The following PCDHGA3 variants were observed in gnomAD, a reference collection of about 807,000 sequenced individuals.
PCDHGA3 encodes the protein protocadherin gamma subfamily A, 3.
Under a neutral mutation model 58.5 loss-of-function variants are expected in PCDHGA3, and 40 were observed. That is an observed-to-expected ratio of 0.68 (90% confidence interval 0.53 to 0.89). The LOEUF (loss-of-function observed/expected upper bound fraction) is 0.89. Among genes scored for constraint, PCDHGA3 ranks in the 40% least tolerant of loss-of-function variants. The probability of loss-of-function intolerance (pLI) is 0.00; values close to 1 mark genes in which losing one functional copy is unlikely to be tolerated. For synonymous variants in PCDHGA3, 530 were observed against 525.7 expected (o/e 1.01, Z -0.11); for missense variants, 1,223 against 1,195.9 (o/e 1.02, Z -0.33).
chr5:141,373,102 C>T (rs182664411), intron 1 of PCDHGA3, among the ~76,000 whole-genome samples: 60 of 152,332 alleles, frequency 3.9e-4, no homozygotes, highest in Admixed American at 3.5e-3. Flanking sequence ...CATTTTCAGA[C>T]ATATCTATCC....
At chr5:141,407,032 CAT>C (rs2094880022) in intron 1 of PCDHGA3, among the ~76,000 whole-genome samples, 1 of 152,174 alleles carries the variant, frequency 6.6e-6, no homozygotes, top group African/African-American at 2.4e-5. Flanking sequence ...CTATGCTAAA[CAT>C]GTGATCCATA....
intron 1 of PCDHGA3, chr5:141,387,741 G>T: frequency 1.5e-6 from 2 of 1,332,868 alleles, no homozygotes; most frequent in Non-Finnish European, 2.0e-6. Context: ...CCTTTACACC[G>T]CTTCCTCCTC....
intron 1 of PCDHGA3, chr5:141,412,602 T>G (rs1239898248): frequency 6.6e-6 from 1 of 152,188 alleles, no homozygotes; most frequent in African/African-American, 2.4e-5. Flanking sequence ...CTAAATAAAA[T>G]TGGCCTATTC....
chr5:141,400,376 T>C (rs534277122), intron 1 of PCDHGA3: 1 of 1,614,070 alleles, frequency 6.2e-7, no homozygotes, highest in East Asian at 2.2e-5. Flanking sequence ...TCCTACAACC[T>C]ATGTGTTGCA....
chr5:141,348,541 C>T (rs1758139506), intron 1 of PCDHGA3, among the ~76,000 whole-genome samples: 1 of 152,128 alleles, frequency 6.6e-6, no homozygotes, highest in South Asian at 2.1e-4. Context: ...AAGATAATTT[C>T]TAAGAATTCT....
intron 1 of PCDHGA3, chr5:141,357,300 C>G (rs112089502): frequency 2.5e-6 from 4 of 1,614,080 alleles, no homozygotes; most frequent in African/African-American, 2.7e-5. Flanking sequence ...TGGCCGCTGT[C>G]TCCTGCGTCT....
At chr5:141,370,208 G>T (rs1418210186) in intron 1 of PCDHGA3, 3 of 550,220 alleles carry the variant, frequency 5.5e-6, no homozygotes, top group African/African-American at 1.9e-5. Flanking sequence ...CAAAATATTG[G>T]CTCCTCCCGC....
At chr5:141,388,606 T>G in intron 1 of PCDHGA3, 1 of 1,613,906 alleles carries the variant, frequency 6.2e-7, no homozygotes, top group South Asian at 1.1e-5. Context: ...AATGCTCCAG[T>G]GTTCAGTCAA....
chr5:141,374,388 G>A (rs779801370), intron 1 of PCDHGA3: 1 of 1,614,044 alleles, frequency 6.2e-7, no homozygotes, highest in South Asian at 1.1e-5. Context: ...AGCCCGCGGT[G>A]TCTGGTGAGT....
rs968869556 is a variant in PCDHGA3 at position 141,346,076 on chromosome 5, C to G, written c.2043C>G (p.Ser681=). 12 of 1,613,518 alleles carry G rather than the reference C, an allele frequency of 7.4e-6. No individual in the cohort carries two copies. Among genetic ancestry groups the G allele is most frequent in the Non-Finnish European group, 1.0e-5 (12 of 1,179,846 alleles). The change falls in exon 1 of 4, where the codon TCC becomes TCG. Residue 681 remains serine (S), a synonymous_variant. Coordinates refer to ENST00000253812, the MANE Select transcript of PCDHGA3 (RefSeq NM_018916.4). ...CCGACCTGGGCAGCCTCGAGCCCTC[C>G]GCCAAACCCAACGATTCGGACCTCA... ...ILADLGSLEP[S]AKPNDSDLTL... is the part of the protein sequence containing the mutation.
At chr5:141,430,980 T>C in intron 1 of PCDHGA3, 1 of 1,613,618 alleles carries the variant, frequency 6.2e-7, no homozygotes, top group African/African-American at 1.3e-5. Context: ...AGGACGCAGC[T>C]TTTCGCCCTG....
chr5:141,376,384 T>G, intron 1 of PCDHGA3: 1 of 1,614,204 alleles, frequency 6.2e-7, no homozygotes, highest in South Asian at 1.1e-5. Flanking sequence ...GTAAGAGTCA[T>G]CTGATTTTCC....
intron 1 of PCDHGA3, chr5:141,410,715 G>A: frequency 1.4e-6 from 2 of 1,422,782 alleles, no homozygotes; most frequent in Non-Finnish European, 1.9e-6. Context: ...AGAATCATAT[G>A]TTTAAAATCC....
At position 141,491,952 on chromosome 5, in the gene PCDHGA3, C is replaced by A; in HGVS notation, c.2425-2855C>A. 9.4e-7 allele frequency: 1 copy of A among 1,062,954 alleles called. No homozygotes were observed. The allele number at this position is 1,062,954 out of a possible 1,614,324, so 65.8% of individuals were successfully genotyped here. On this transcript the variant is annotated intron_variant, in intron 1 of 3. Coordinates refer to ENST00000253812, the MANE Select transcript of PCDHGA3 (RefSeq NM_018916.4). The surrounding 1 kb of genome is among the most constrained non-coding windows in gnomAD (Gnocchi z 6.9). ...GGTGGGACCGACCCCCACCCCTACA[C>A]TCAAAAAAGGCCGGGGCCTCCTTCG...
At chr5:141,399,825 C>G (rs1439243162) in intron 1 of PCDHGA3, 14 of 1,613,060 alleles carry the variant, frequency 8.7e-6, no homozygotes, top group Non-Finnish European at 1.2e-5. Context: ...TGGGTCCCGA[C>G]GGCTCTGCGC....
chr5:141,346,916 A>G (rs935999484), intron 1 of PCDHGA3, among the ~76,000 whole-genome samples: 17 of 152,270 alleles, frequency 1.1e-4, no homozygotes, highest in Admixed American at 5.2e-4. Context: ...GTAAAAATAC[A>G]TATGAATAAA....
At chr5:141,364,587 C>T in intron 1 of PCDHGA3, 3 of 1,614,204 alleles carry the variant, frequency 1.9e-6, no homozygotes, top group Non-Finnish European at 2.5e-6. Flanking sequence ...AGCTTGGTCA[C>T]CGCGGGCAGG....
chr5:141,404,278 G>T (rs780738049), intron 1 of PCDHGA3: 7 of 1,613,962 alleles, frequency 4.3e-6, no homozygotes, highest in Admixed American at 3.3e-5. Flanking sequence ...CCCTGCAAGT[G>T]ACTGACATCA....
At chr5:141,347,137 C>CTCTTTCTTTCTT (rs70988799) in intron 1 of PCDHGA3, among the ~76,000 whole-genome samples, 9,672 of 113,750 alleles carry the variant, frequency 0.085, 721 homozygotes, top group Non-Finnish European at 0.092. Flanking sequence ...CTCTGTTTCT[C>CTCTTTCTTTCTT]TCTTTCTTTC....
Sources: allele counts gnomAD v4.1 joint callset (sites outside exome capture counted in the v4.1 genomes callset), GRCh38; gene constraint gnomAD v4.1.1; non-coding constraint Gnocchi (gnomAD v3.1); transcripts MANE v1.5; gene names NCBI Gene and HGNC (gene_info 2026-07-23, HGNC 2026-07-21).